Variants in TMEM161A observed in about 807,000 individuals in gnomAD.
TMEM161A encodes the protein transmembrane protein 161A.
Under a neutral mutation model 57.1 loss-of-function variants are expected in TMEM161A, and 46 were observed. That is an observed-to-expected ratio of 0.81 (90% CI 0.64 to 1.03). The LOEUF is 1.03. Ranked by LOEUF, TMEM161A falls within the 50% of genes least tolerant of loss-of-function variation. The pLI, the probability that TMEM161A is intolerant of heterozygous loss-of-function variation, is 0.00. For missense variants in TMEM161A, 601 were observed against 621.5 expected, an observed-to-expected ratio of 0.97 and a Z score of 0.35; for synonymous variants, 288 against 279.0, an observed-to-expected ratio of 1.03 and a Z score of -0.32.
intron 11 of TMEM161A, among the ~76,000 whole-genome samples, chr19:19,120,523 C>T (rs3787041): frequency 0.15 from 22,074 of 151,406 alleles, 1,749 homozygotes; most frequent in African/African-American, 0.22. Flanking sequence ...ACCACAGTCC[C>T]CGCCCCCTAC....
At position 19,119,823 on chromosome 19, in the gene TMEM161A, C is replaced by T. The variant is rs555697426; in HGVS notation, c.*107G>A. The stretch of plus-strand genomic sequence containing the variant: ...GTGGTGAAGGGAACGCCGGGGAGTC[C>T]GGCCCCACCTTGCAGCTGGGGACAC... On this transcript the variant is annotated 3_prime_UTR_variant, in exon 12 of 12. Transcript: ENST00000162044. 1.7e-5 allele frequency: 24 copies of T among 1,396,346 alleles called. No homozygotes were observed. Among genetic ancestry groups the T allele is most frequent in the East Asian group, 5.0e-5 (2 of 39,900 alleles). The allele number at this position is 1,396,346 out of a possible 1,614,324, so 86.5% of individuals were successfully genotyped here.
Position 19,132,237 on chromosome 19 carries a change from T to C in TMEM161A, c.443+115A>G. ...AAATGTCTGCTTCATGTCACTAAGC[T>C]TGGGGAAGTTTGTGGCACAGCAGGT... On this transcript the variant is annotated intron_variant, in intron 5 of 11. Transcript: ENST00000162044. This position sits in a 1 kb window ranked among gnomAD's most constrained non-coding sequence, Gnocchi z 4.3. 8.1e-7 allele frequency: 1 copy of C among 1,240,286 alleles called. No homozygotes were observed. The highest frequency in any genetic ancestry group is 2.4e-5 in the East Asian group (1 of 42,468). The allele number at this position is 1,240,286 out of a possible 1,614,324, so 76.8% of individuals were successfully genotyped here.
chr19:19,130,474 G>T, intron 5 of TMEM161A, 167 bp from the exon 6 acceptor site: 3 of 771,718 alleles, frequency 3.9e-6, no homozygotes, highest in Non-Finnish European at 6.2e-6. Context: ...CTCAGATCAG[G>T]ATGTGGGCTG....
chr19:19,120,530 C>T (rs1203223965), intron 11 of TMEM161A, among the ~76,000 whole-genome samples: 1 of 151,920 alleles, frequency 6.6e-6, no homozygotes, highest in Non-Finnish European at 1.5e-5. Context: ...TCCCCGCCCC[C>T]TACCCAGGCC....
At position 19,132,405 on chromosome 19, in the gene TMEM161A, G is replaced by A; in HGVS notation, c.390C>T (p.Ala130=). ...AGAACACAGCAATGTTAGTCTCCTT[G>A]GCTGGTCCCAGCATGTAGTAGTAGG... ...TEAYYYMLGP[A]KETNIAVFWC... is the part of the protein sequence containing the mutation. Residue 130 remains alanine (A), a synonymous_variant, in exon 5 of 12, where the codon GCC becomes GCT. Transcript: ENST00000162044. The surrounding 1 kb of genome is among the most constrained non-coding windows in gnomAD (Gnocchi z 4.3). The A allele has an allele frequency of 6.2e-7, 1 of 1,614,146 alleles. No homozygotes were observed. The highest frequency in any genetic ancestry group is 8.5e-7 in the Non-Finnish European group (1 of 1,180,018).
intron 6 of TMEM161A, 51 bp downstream of exon 6, chr19:19,130,105 T>C: frequency 2.5e-6 from 4 of 1,604,274 alleles, no homozygotes; most frequent in South Asian, 2.2e-5. Flanking sequence ...TTGGTCAGAT[T>C]ACATGAGGGA....
At position 19,127,743 on chromosome 19, in the gene TMEM161A, A is replaced by G. The variant is rs992172651; in HGVS notation, c.595+2413T>C. Among the ~76,000 whole-genome samples the G allele has an allele frequency of 9.3e-5, 14 of 151,330 alleles. No individual in the cohort carries two copies. The East Asian group carries it at 2.8e-3, about 30-fold the overall frequency. On this transcript the variant is annotated intron_variant, in intron 6 of 11. Transcript: ENST00000162044. ...CCAGGAGTTTGAGACCAGCCTGAGAAGCATAGCAAGACCCCATCTCTACAG... is the reference window on the plus strand; with the variant it reads ...CCAGGAGTTTGAGACCAGCCTGAGAGGCATAGCAAGACCCCATCTCTACAG...
At position 19,132,117 on chromosome 19, in the gene TMEM161A, TCTA is replaced by T. The variant is rs1568538024; in HGVS notation, c.443+232_443+234del. Among the ~76,000 whole-genome samples, 2 of 152,346 alleles carry T rather than the reference TCTA, an allele frequency of 1.3e-5. No homozygotes were observed. The highest frequency in any genetic ancestry group is 4.1e-4 in the South Asian group (2 of 4,834). On this transcript the variant is annotated intron_variant, in intron 5 of 11. Transcript: ENST00000162044. The surrounding 1 kb of genome is among the most constrained non-coding windows in gnomAD (Gnocchi z 4.3). Reference sequence around the variant, plus strand: ...GCATTCCCTCCTGCCTCCTGGCATTTCTACTGCCACCAAAGGGCATGACCATGT... The same window carrying T: ...GCATTCCCTCCTGCCTCCTGGCATTTCTGCCACCAAAGGGCATGACCATGT...
At chr19:19,135,015 C>A (rs879873336) in intron 1 of TMEM161A, 128 bp from the exon 2 acceptor site, 10 of 671,606 alleles carry the variant, frequency 1.5e-5, no homozygotes, top group Admixed American at 2.7e-5. Context: ...TAGGCTCTAG[C>A]GGCTTCTTAG....
rs375114734 is a variant in TMEM161A, at chr19:19,134,778, G to A, written c.107+6C>T. The A allele has an allele frequency of 8.6e-5, 134 of 1,555,240 alleles. 1 individual carries two copies. The African/African-American group carries it at 1.5e-3, about 18-fold the overall frequency. On this transcript the variant is annotated splice_donor_region_variant and intron_variant, in intron 2 of 11. Coordinates refer to ENST00000162044, the MANE Select transcript of TMEM161A (RefSeq NM_017814.3). Reference sequence around the variant, plus strand: ...GGGCCCCTCCCACCGCCGGGGCGGGGCTCACCTGCCGTTACAGAGCAGCCA... The same window carrying A: ...GGGCCCCTCCCACCGCCGGGGCGGGACTCACCTGCCGTTACAGAGCAGCCA...
intron 6 of TMEM161A, among the ~76,000 whole-genome samples, chr19:19,129,722 A>G (rs1177123029): frequency 1.3e-5 from 2 of 152,164 alleles, no homozygotes; most frequent in Non-Finnish European, 2.9e-5. Context: ...AGCCTGGCCA[A>G]CATGGTGAAA....
chr19:19,136,314 C>G (rs554039986), intron 1 of TMEM161A, among the ~76,000 whole-genome samples: 3 of 152,116 alleles, frequency 2.0e-5, no homozygotes, highest in Admixed American at 1.3e-4. Context: ...TAAATTTAGT[C>G]GGAAAAACCC....
At chr19:19,133,432 T>C in intron 2 of TMEM161A, 2 of 533,356 alleles carry the variant, frequency 3.7e-6, no homozygotes, top group South Asian at 5.5e-5. Context: ...ATCTGCTGGC[T>C]AACTCTCCTG....
In TMEM161A at chr19:19,120,758, A is replaced by G; in HGVS notation, c.1186+7T>C. 5.0e-6 allele frequency: 8 copies of G among 1,594,928 alleles called. No individual in the cohort carries two copies. The highest frequency in any genetic ancestry group is 6.8e-6 in the Non-Finnish European group (8 of 1,169,696). On this transcript the variant is annotated splice_region_variant and intron_variant, in intron 11 of 11. Coordinates refer to ENST00000162044, the MANE Select transcript of TMEM161A (RefSeq NM_017814.3). ...CCCTCCTCCACCCCCACACCGCGGC[A>G]TCTCACCCAGCGTCTTGAGCAGAAG...
intron 6 of TMEM161A, among the ~76,000 whole-genome samples, chr19:19,128,224 T>C (rs1599707484): frequency 6.8e-6 from 1 of 148,110 alleles, no homozygotes; most frequent in African/African-American, 2.5e-5. Flanking sequence ...GACATCTAAA[T>C]AGACTTTTTT....
At position 19,132,894 on chromosome 19, in the gene TMEM161A, C is replaced by A; in HGVS notation, c.189-140G>T. 1.3e-6 allele frequency: 1 copy of A among 771,212 alleles called. No homozygotes were observed. The highest frequency in any genetic ancestry group is 1.9e-5 in the South Asian group (1 of 51,946). The allele number at this position is 771,212 out of a possible 1,614,324, so 47.8% of individuals were successfully genotyped here. Reference sequence around the variant, plus strand: ...CCTCTGCACACTGGGATATGGGGATCCCCCCACCCACCCACAGGACTGGCT... The same window carrying A: ...CCTCTGCACACTGGGATATGGGGATACCCCCACCCACCCACAGGACTGGCT... On this transcript the variant is annotated intron_variant, in intron 3 of 11. Coordinates refer to ENST00000162044, the MANE Select transcript of TMEM161A (RefSeq NM_017814.3). This position sits in a 1 kb window ranked among gnomAD's most constrained non-coding sequence, Gnocchi z 4.3.
At chr19:19,136,368 T>C (rs1341931449) in intron 1 of TMEM161A, among the ~76,000 whole-genome samples, 5 of 152,080 alleles carry the variant, frequency 3.3e-5, no homozygotes, top group African/African-American at 1.2e-4. Context: ...TCAAAATGAC[T>C]GCTGAGGCCA....
intron 6 of TMEM161A, among the ~76,000 whole-genome samples, chr19:19,124,615 A>G (rs2059923195): frequency 6.6e-6 from 1 of 152,206 alleles, no homozygotes; most frequent in Non-Finnish European, 1.5e-5. Context: ...ATCAGAAGGG[A>G]AATGTTAAAA....
In TMEM161A at chr19:19,119,832, C is replaced by A; in HGVS notation, c.*98G>T. On this transcript the variant is annotated 3_prime_UTR_variant, in exon 12 of 12. Coordinates refer to ENST00000162044, the MANE Select transcript of TMEM161A (RefSeq NM_017814.3). ...GGAACGCCGGGGAGTCCGGCCCCAC[C>A]TTGCAGCTGGGGACACGGGGGCGCA... 1 of 1,445,576 alleles carries A rather than the reference C, an allele frequency of 6.9e-7. No homozygotes were observed. The highest frequency in any genetic ancestry group is 9.3e-7 in the Non-Finnish European group (1 of 1,079,340). The allele number at this position is 1,445,576 out of a possible 1,614,324, so 89.5% of individuals were successfully genotyped here. A position where few individuals can be genotyped will look rare whatever the true frequency, so the allele number is the denominator to read the frequency against.
Sources: gnomAD v4.1 joint callset for allele counts (sites outside exome capture counted in the v4.1 genomes callset) on GRCh38, gnomAD v4.1.1 for gene constraint, Gnocchi (gnomAD v3.1) non-coding constraint, MANE v1.5 for transcripts, NCBI Gene and HGNC (gene_info 2026-07-23, HGNC 2026-07-21) for gene names.